STK31: variants seen among roughly 807,000 people sequenced by gnomAD.
STK31 encodes the protein serine/threonine-protein kinase 31.
In STK31, 89 loss-of-function variants were observed where a neutral mutation model predicts 129.7. The observed-to-expected ratio is 0.69, with a 90% CI of 0.58 to 0.82. STK31 has a LOEUF of 0.82. Among genes scored for constraint, STK31 ranks in the 40% least tolerant of loss-of-function variants. STK31 has a pLI of 0.00. For synonymous variants in STK31, 448 were observed against 395.3 expected (o/e 1.13, Z -1.58); for missense variants, 1,187 against 1,176.4 (o/e 1.01, Z -0.13).
Position 23,710,411 on chromosome 7 carries a change from T to C in STK31, c.50+76T>C, listed in dbSNP as rs902613878. 76 of 1,607,308 alleles carry C rather than the reference T, an allele frequency of 4.7e-5. No homozygotes were observed. In the African/African-American group the frequency reaches 8.8e-4, roughly 19 times the overall value. On this transcript the variant is annotated intron_variant, in intron 1 of 23. Transcript: ENST00000355870. ...TTTTCGTCGCTGCTTGCGTTTTAAG[T>C]CTCCAATCCTGGGACGAGGCCCATT...
At chr7:23,811,254 TA>T (rs1273136263) in intron 22 of STK31, 1 of 365,764 alleles carries the variant, frequency 2.7e-6, no homozygotes, top group Non-Finnish European at 5.3e-6. Context: ...TTTTCACCAG[TA>T]AAGGACTGGT....
intron 3 of STK31, among the ~76,000 whole-genome samples, chr7:23,715,003 A>G (rs531737215): frequency 5.3e-5 from 8 of 152,344 alleles, no homozygotes; most frequent in African/African-American, 1.9e-4. Context: ...CTCTTGTAGA[A>G]GAACGTTTAA....
At chr7:23,767,881 T>C in intron 11 of STK31, among the ~76,000 whole-genome samples, 1 of 152,142 alleles carries the variant, frequency 6.6e-6, no homozygotes, top group Admixed American at 6.5e-5. Context: ...TTTCTCAGAG[T>C]TTTGTGATTA....
chr7:23,788,611 C>T (rs1194492334), intron 21 of STK31, among the ~76,000 whole-genome samples: 2 of 152,044 alleles, frequency 1.3e-5, no homozygotes, highest in Non-Finnish European at 1.5e-5. Flanking sequence ...CATATTACCT[C>T]AGAATAGGCA....
chr7:23,832,403 A>C lies in STK31; in HGVS notation c.*37A>C, dbSNP rs752625448. ...TGTTGTTGCAGAGGTTCTTTTTAAA[A>C]ACTTTGGTTTGGTTAATACACAGAA... is the stretch of plus-strand genomic sequence containing the variant. On this transcript the variant is annotated 3_prime_UTR_variant, in exon 24 of 24. Transcript: ENST00000355870. The C allele has an allele frequency of 3.2e-6, 4 of 1,252,278 alleles. No homozygotes were observed. The South Asian group carries it at 4.0e-5, about 13-fold the overall frequency. 77.6% of individuals were successfully genotyped at this position (1,252,278 alleles called of 1,614,324 possible).
At chr7:23,818,586 G>T (rs190846115) in intron 23 of STK31, among the ~76,000 whole-genome samples, 8 of 149,178 alleles carry the variant, frequency 5.4e-5, no homozygotes, top group African/African-American at 2.0e-4. Context: ...TACTTATAGG[G>T]CTAGTTCCTT....
Position 23,771,108 on chromosome 7 carries a change from A to G in STK31, c.1817A>G (p.Tyr606Cys). 1 of 1,610,138 alleles carries G rather than the reference A, an allele frequency of 6.2e-7. No individual in the cohort carries two copies. Among genetic ancestry groups the G allele is most frequent in the Non-Finnish European group, 8.5e-7 (1 of 1,178,390 alleles). ...CTCATTGCCACAGTACAAGCTAAGT[A>G]CAAGGACAGTATTGAGGTTTGATTG... Reference protein sequence around the residue: ...ERLIATVQAKYKDSIEFKKQL... With the variant: ...ERLIATVQAKCKDSIEFKKQL... The change falls in exon 14 of 24, where the codon TAC becomes TGC. Residue 606 changes from tyrosine (Y) to cysteine (C), a missense_variant. Physicochemically the swap from Tyr to Cys is radical, Grantham distance 194 (BLOSUM62 -2). Coordinates refer to ENST00000355870, the MANE Select transcript of STK31 (RefSeq NM_031414.5).
chr7:23,783,727 AT>A, intron 17 of STK31, 64 bp downstream of exon 17: 1 of 1,319,488 alleles, frequency 7.6e-7, no homozygotes, highest in African/African-American at 1.5e-5. Context: ...ATAATATTAA[AT>A]TTGTGTCAGT....
intron 22 of STK31, among the ~76,000 whole-genome samples, chr7:23,801,216 C>T (rs1453409018): frequency 6.6e-6 from 1 of 152,134 alleles, no homozygotes. Context: ...GTCGGCACCT[C>T]GTATTGTTAT....
chr7:23,787,481 A>T lies in STK31; in HGVS notation c.2488-499A>T, dbSNP rs56069413. ...TGGCCTGTTAAGAACAGGGCGGCAC[A>T]GCAGGAGGTGAGTGGCAGGTGAGCA... is the stretch of plus-strand genomic sequence containing the variant. On this transcript the variant is annotated intron_variant, in intron 20 of 23. Coordinates refer to ENST00000355870, the MANE Select transcript of STK31 (RefSeq NM_031414.5). 8.5e-3 allele frequency among the ~76,000 whole-genome samples: 1,299 copies of T among 152,206 alleles called. 10 individuals are homozygous for T. The highest frequency in any genetic ancestry group is 0.014 in the Non-Finnish European group (960 of 68,002).
chr7:23,824,662 C>T (rs1794005754), intron 23 of STK31, among the ~76,000 whole-genome samples: 1 of 152,194 alleles, frequency 6.6e-6, no homozygotes, highest in Non-Finnish European at 1.5e-5. Flanking sequence ...GAGAGGGCAT[C>T]CCTGTCTTGT....
intron 23 of STK31, among the ~76,000 whole-genome samples, chr7:23,821,175 C>G (rs1793765724): frequency 6.6e-6 from 1 of 152,110 alleles, no homozygotes; most frequent in Admixed American, 6.6e-5. Context: ...AGTGGGATTA[C>G]TGGATTGTAT....
At chr7:23,742,771 G>A (rs1323866279) in intron 8 of STK31, among the ~76,000 whole-genome samples, 1 of 151,930 alleles carries the variant, frequency 6.6e-6, no homozygotes, top group Non-Finnish European at 1.5e-5. Context: ...TTCAAAATGT[G>A]TCTACTTAAC....
At chr7:23,724,922 T>C (rs186768475) in intron 4 of STK31, among the ~76,000 whole-genome samples, 1 of 152,322 alleles carries the variant, frequency 6.6e-6, no homozygotes, top group East Asian at 1.9e-4. Context: ...AAAATAAATC[T>C]GTGGATTTGT....
rs745728553 is a variant in STK31 at position 23,754,407 on chromosome 7, A to C, written c.1226A>C (p.Asn409Thr). The change falls in exon 10 of 24, where the codon AAT (asparagine) becomes ACT (threonine). Residue 409 changes from asparagine (N) to threonine (T), a missense_variant. Around this residue, in one of 5 missense-constraint regions of STK31, gnomAD observed 975 missense variants for 934.9 expected, o/e 1.04. Transcript: ENST00000355870. ...EGCFTTPASL[N>T]GLEIIWAEYS... ...TGCTTTACTACTCCAGCTTCTTTGA[A>C]TGGATTAGAGATAATATGGGCAGAA... The C allele has an allele frequency of 6.2e-7, 1 of 1,614,046 alleles. No homozygotes were observed. The highest frequency in any genetic ancestry group is 8.5e-7 in the Non-Finnish European group (1 of 1,179,942).
chr7:23,824,330 A>T (rs1793976028), intron 23 of STK31, among the ~76,000 whole-genome samples: 2 of 152,022 alleles, frequency 1.3e-5, no homozygotes, highest in Non-Finnish European at 2.9e-5. Context: ...TGTAAGTTGG[A>T]TTCTTAGGTA....
At chr7:23,728,609 A>G (rs1457590438) in intron 5 of STK31, among the ~76,000 whole-genome samples, 2 of 152,174 alleles carry the variant, frequency 1.3e-5, no homozygotes, top group Non-Finnish European at 2.9e-5. Flanking sequence ...AAACAGATGT[A>G]GAGCTGGAGG....
chr7:23,810,037 T>G (rs1477110515), intron 22 of STK31, among the ~76,000 whole-genome samples: 1 of 152,212 alleles, frequency 6.6e-6, no homozygotes, highest in African/African-American at 2.4e-5. Context: ...ATTGTAGACT[T>G]GCCTATTTCT....
chr7:23,817,012 C>G (rs990874493), intron 23 of STK31, among the ~76,000 whole-genome samples: 1 of 151,942 alleles, frequency 6.6e-6, no homozygotes, highest in African/African-American at 2.4e-5. Context: ...ATGGTGAAAC[C>G]CTGTCTGTAC....
Sources: allele counts gnomAD v4.1 joint callset (sites outside exome capture counted in the v4.1 genomes callset), GRCh38; gene constraint gnomAD v4.1.1; regional missense constraint gnomAD v4.1.1; transcripts MANE v1.5; gene names NCBI Gene and HGNC (gene_info 2026-07-23, HGNC 2026-07-21).